Variants in ZNF701 observed in about 807,000 individuals in gnomAD.
The protein encoded by ZNF701 is zinc finger protein 701.
In ZNF701, 6 loss-of-function variants were observed where a neutral mutation model predicts 7.1. That is an observed-to-expected ratio of 0.84 (90% CI 0.46 to 1.66). The LOEUF (loss-of-function observed/expected upper bound fraction) is 1.66. Among genes scored for constraint, ZNF701 ranks in the 40% most tolerant of loss-of-function variants. ZNF701 has a pLI of 0.01. For synonymous variants in ZNF701, 166 were observed against 188.2 expected, an observed-to-expected ratio of 0.88 and a Z score of 0.97; for missense variants, 541 against 559.2, an observed-to-expected ratio of 0.97 and a Z score of 0.33.
rs2059996541 is a variant in ZNF701, at chr19:52,584,515, G to A, written c.*1058G>A. On this transcript the variant is annotated 3_prime_UTR_variant, in exon 4 of 4. Transcript: ENST00000391785. ...TAGGGGTTTTTATAGGTATTGTGTTGAATCTGAATCACATTGGCTTATATA... is the reference window on the plus strand; with the variant it reads ...TAGGGGTTTTTATAGGTATTGTGTTAAATCTGAATCACATTGGCTTATATA... The A allele has an allele frequency of 6.6e-6, 1 of 152,442 alleles. No homozygotes were observed. Among genetic ancestry groups the A allele is most frequent in the African/African-American group, 2.4e-5 (1 of 41,412 alleles). The allele number at this position is 152,442 out of a possible 1,614,324, so 9.4% of individuals were successfully genotyped here.
chr19:52,581,634 G>A (rs35676304), intron 3 of ZNF701, among the ~76,000 whole-genome samples: 87,502 of 151,960 alleles, frequency 0.58, 27,464 homozygotes, highest in Non-Finnish European at 0.71. Flanking sequence ...TGCATCAGCC[G>A]CTTGAGTAGC....
At chr19:52,594,243 G>T in the ZNF701 span, 2 of 119,632 alleles carry the variant, frequency 1.7e-5, 1 homozygote, top group Non-Finnish European at 3.6e-5. Flanking sequence ...AGGCAGGGAG[G>T]TTGCAGTGAG....
downstream of ZNF701, chr19:52,592,101 G>A: frequency 2.9e-6 from 3 of 1,052,108 alleles, no homozygotes; most frequent in South Asian, 4.1e-5. Context: ...TTTCATTTTA[G>A]GGACACTAGA....
intron 3 of ZNF701, 93 bp downstream of exon 3, chr19:52,576,114 C>G (rs533129336): frequency 1.3e-6 from 2 of 1,597,508 alleles, no homozygotes; most frequent in Non-Finnish European, 1.7e-6. Context: ...CCTTGCTTGG[C>G]TAAAATGGAA....
the ZNF701 span, chr19:52,597,299 C>T: frequency 3.7e-6 from 2 of 544,032 alleles, no homozygotes; most frequent in Non-Finnish European, 7.5e-6. Flanking sequence ...CACGTTCACA[C>T]CTCATTAGAC....
chr19:52,585,357 C>A lies in ZNF701; in HGVS notation c.*1900C>A, dbSNP rs1334587104. On this transcript the variant is annotated 3_prime_UTR_variant, in exon 4 of 4. Transcript: ENST00000391785. ...CTGCCTGGTCCTGGGATCCTGCAGACCCCACCCCTGTCCGAAGGCGCCATC... is the reference window on the plus strand; with the variant it reads ...CTGCCTGGTCCTGGGATCCTGCAGAACCCACCCCTGTCCGAAGGCGCCATC... 3 of 152,402 alleles carry A rather than the reference C, an allele frequency of 2.0e-5. No homozygotes were observed. Among genetic ancestry groups the A allele is most frequent in the East Asian group, 3.9e-4 (2 of 5,180 alleles). 9.4% of individuals were successfully genotyped at this position (152,402 alleles called of 1,614,324 possible). A position where few individuals can be genotyped will look rare whatever the true frequency, so the allele number is the denominator to read the frequency against.
intron 3 of ZNF701, among the ~76,000 whole-genome samples, chr19:52,579,035 C>T (rs892664654): frequency 4.2e-5 from 6 of 143,928 alleles, no homozygotes; most frequent in East Asian, 2.0e-4. Context: ...CGTGAGCCAC[C>T]GCGCCCCGCC....
At chr19:52,578,214 A>G (rs545810405) in intron 3 of ZNF701, among the ~76,000 whole-genome samples, 121 of 137,394 alleles carry the variant, frequency 8.8e-4, no homozygotes, top group African/African-American at 3.3e-3. Flanking sequence ...AGATCGCACC[A>G]CTGCACTCCA....
the ZNF701 span, chr19:52,596,576 C>T: frequency 4.2e-5 from 17 of 404,162 alleles, no homozygotes; most frequent in African/African-American, 2.7e-4. Context: ...GAAAAGCAAA[C>T]CTTGCACATC....
the ZNF701 span, chr19:52,597,060 TG>T: frequency 7.9e-7 from 1 of 1,266,344 alleles, no homozygotes; most frequent in Non-Finnish European, 1.1e-6. Flanking sequence ...TGCAAATCAC[TG>T]GAGAATCCAT....
chr19:52,599,113 C>T, the ZNF701 span, among the ~76,000 whole-genome samples: 6 of 151,874 alleles, frequency 4.0e-5, no homozygotes, highest in East Asian at 1.9e-4. Flanking sequence ...CCACAACCTC[C>T]GTCTCCCGAG....
chr19:52,575,819 C>CCT, intron 2 of ZNF701, 76 bp from the exon 3 acceptor site: 1 of 987,868 alleles, frequency 1.0e-6, no homozygotes. Context: ...CATGCTTTCC[C>CCT]CTCTCCTCTT....
At chr19:52,595,094 G>A in the ZNF701 span, among the ~76,000 whole-genome samples, 1 of 152,056 alleles carries the variant, frequency 6.6e-6, no homozygotes, top group Non-Finnish European at 1.5e-5. Context: ...TGATTCTCCT[G>A]CCTTGGTTTC....
At chr19:52,571,374 G>T (rs188680011) in intron 1 of ZNF701, among the ~76,000 whole-genome samples, 1 of 151,944 alleles carries the variant, frequency 6.6e-6, no homozygotes, top group African/African-American at 2.4e-5. Context: ...GGGACGGGGG[G>T]TAAAACAGAG....
intron 1 of ZNF701, among the ~76,000 whole-genome samples, chr19:52,572,071 C>T (rs1313069269): frequency 2.0e-5 from 3 of 152,114 alleles, no homozygotes; most frequent in African/African-American, 7.2e-5. Flanking sequence ...GATCTGCCCA[C>T]CTCGGCTTCC....
At position 52,582,618 on chromosome 19, in the gene ZNF701, C is replaced by T. The variant is rs1488832293; in HGVS notation, c.559C>T (p.Arg187Cys). Residue 187 changes from arginine (R) to cysteine (C), a missense_variant, in exon 4 of 4, where the codon CGT (arginine) becomes TGT (cysteine). By Grantham distance (180) the Arg-to-Cys change is radical (BLOSUM62 -3). Transcript: ENST00000391785. ...SQRISCRPKT[R>C]ISNKYRNNFL... ...ACGAATTTCCTGTAGGCCAAAAACT[C>T]GTATTTCTAATAAGTATAGGAATAA... 27 of 1,614,130 alleles carry T rather than the reference C, an allele frequency of 1.7e-5. No individual in the cohort carries two copies. Among genetic ancestry groups the T allele is most frequent in the Non-Finnish European group, 2.0e-5 (24 of 1,180,030 alleles).
downstream of ZNF701, among the ~76,000 whole-genome samples, chr19:52,591,696 C>T (rs958001649): frequency 1.3e-5 from 2 of 152,110 alleles, no homozygotes; most frequent in Non-Finnish European, 2.9e-5. Flanking sequence ...GCTGGGATTA[C>T]AGGCAGGTGC....
At chr19:52,575,363 CAT>C (rs907962671) in intron 2 of ZNF701, among the ~76,000 whole-genome samples, 59 of 151,194 alleles carry the variant, frequency 3.9e-4, no homozygotes, top group Non-Finnish European at 6.6e-4. Context: ...TACACACACA[CAT>C]ATGTATATAT....
intron 3 of ZNF701, among the ~76,000 whole-genome samples, chr19:52,580,677 T>A (rs2059969858): frequency 6.6e-6 from 1 of 152,244 alleles, no homozygotes; most frequent in Non-Finnish European, 1.5e-5. Flanking sequence ...TGTTTACAAT[T>A]CTGCAGGCTG....
Sources: gnomAD v4.1 joint callset for allele counts (sites outside exome capture counted in the v4.1 genomes callset) on GRCh38, gnomAD v4.1.1 for gene constraint, MANE v1.5 for transcripts, NCBI Gene and HGNC (gene_info 2026-07-23, HGNC 2026-07-21) for gene names.